The following KRABD2 variants were observed in gnomAD, a reference collection of about 807,000 sequenced individuals.
KRABD2 encodes KRAB domain-containing protein 2.
the KRABD2 span, chr17:8,371,411 C>T: frequency 4.3e-6 from 7 of 1,614,016 alleles, no homozygotes; most frequent in Middle Eastern, 1.6e-4. Flanking sequence ...TTTTCAAATG[C>T]TGTTGCTTCC....
the KRABD2 span, chr17:8,368,896 CAA>C: frequency 1.1e-5 from 6 of 571,410 alleles, no homozygotes; most frequent in Non-Finnish European, 1.4e-5. Context: ...CTTGGCCTAC[CAA>C]AGTGCTGGGA....
the KRABD2 span, chr17:8,371,728 C>G: frequency 7.6e-7 from 1 of 1,317,638 alleles, no homozygotes; most frequent in South Asian, 2.4e-5. Context: ...CAGAATAAAG[C>G]AGAGTCCAAG....
the KRABD2 span, among the ~76,000 whole-genome samples, chr17:8,366,680 C>T: frequency 1.3e-5 from 2 of 152,082 alleles, no homozygotes; most frequent in African/African-American, 4.8e-5. Flanking sequence ...GTCTCTAGGG[C>T]ATCTTAGATG....
chr17:8,372,239 C>T, the KRABD2 span, among the ~76,000 whole-genome samples: 2 of 152,184 alleles, frequency 1.3e-5, no homozygotes, highest in African/African-American at 2.4e-5. The surrounding 1 kb of genome is among the most constrained non-coding windows in gnomAD (Gnocchi z 4.1). Context: ...GATTCTAAGA[C>T]ATTACTGATT....
the KRABD2 span, among the ~76,000 whole-genome samples, chr17:8,359,319 A>G: frequency 5.9e-5 from 9 of 152,276 alleles, no homozygotes; most frequent in African/African-American, 2.2e-4. Flanking sequence ...CCTGCTGATT[A>G]TATTTCTCCC....
At chr17:8,367,674 A>C in the KRABD2 span, among the ~76,000 whole-genome samples, 1,644 of 151,888 alleles carry the variant, frequency 0.011, 26 homozygotes, top group African/African-American at 0.037. Flanking sequence ...AAAAAAAAAA[A>C]AAAAAACAAG....
the KRABD2 span, among the ~76,000 whole-genome samples, chr17:8,360,389 A>G: frequency 6.6e-6 from 1 of 152,190 alleles, no homozygotes. Flanking sequence ...CAATTTGCTC[A>G]GGAAGCTCAC....
At chr17:8,375,933 G>C in the KRABD2 span, 1 of 1,230,028 alleles carries the variant, frequency 8.1e-7, no homozygotes, top group Non-Finnish European at 1.0e-6. Context: ...TTCCGACTCG[G>C]AATGTCCTCG....
the KRABD2 span, chr17:8,369,676 A>G: frequency 6.2e-7 from 1 of 1,614,248 alleles, no homozygotes; most frequent in Non-Finnish European, 8.5e-7. Context: ...AGAATTGTGA[A>G]AATATCTAAC....
At chr17:8,374,611 G>C in the KRABD2 span, among the ~76,000 whole-genome samples, 3 of 74,512 alleles carry the variant, frequency 4.0e-5, no homozygotes, top group African/African-American at 1.6e-4. Flanking sequence ...AAACACCCAA[G>C]AATGATCAAT....
chr17:8,370,199 T>C, the KRABD2 span: 6 of 1,613,172 alleles, frequency 3.7e-6, no homozygotes, highest in East Asian at 1.3e-4. Flanking sequence ...CTTCCTTTAT[T>C]GTTTGAAAGT....
At chr17:8,360,342 AT>A in the KRABD2 span, among the ~76,000 whole-genome samples, 309 of 152,236 alleles carry the variant, frequency 2.0e-3, 2 homozygotes, top group South Asian at 4.4e-3. Flanking sequence ...GAAAAATATG[AT>A]TCTAAAAGGC....
the KRABD2 span, chr17:8,376,218 C>T: frequency 8.1e-7 from 1 of 1,231,096 alleles, no homozygotes; most frequent in African/African-American, 1.6e-5. Context: ...ATGTCGCTTA[C>T]AGGTAGGTCG....
the KRABD2 span, chr17:8,359,594 A>T: frequency 2.2e-6 from 1 of 456,082 alleles, no homozygotes; most frequent in Non-Finnish European, 4.4e-6. Flanking sequence ...AGAAGGGGGT[A>T]GGTAAGGAGA....
At chr17:8,369,608 A>C in the KRABD2 span, 3 of 1,614,212 alleles carry the variant, frequency 1.9e-6, no homozygotes, top group Non-Finnish European at 2.5e-6. Context: ...TGAGCTCATG[A>C]ACAACCTGGT....
At chr17:8,376,248 G>C in the KRABD2 span, 44 of 1,230,204 alleles carry the variant, frequency 3.6e-5, no homozygotes, top group African/African-American at 6.2e-4. Flanking sequence ...AGGTAGAGCA[G>C]CGGTACGGCC....
At chr17:8,362,117 C>A in the KRABD2 span, among the ~76,000 whole-genome samples, 4 of 152,068 alleles carry the variant, frequency 2.6e-5, no homozygotes, top group Non-Finnish European at 5.9e-5. This position sits in a 1 kb window ranked among gnomAD's most constrained non-coding sequence, Gnocchi z 4.2. Flanking sequence ...ATCACGAGGT[C>A]AGGAGATCAA....
At chr17:8,366,563 T>A in the KRABD2 span, among the ~76,000 whole-genome samples, 1 of 152,192 alleles carries the variant, frequency 6.6e-6, no homozygotes, top group Admixed American at 6.5e-5. Context: ...TTTTAATATA[T>A]GTTTCATGCA....
At chr17:8,376,118 A>G in the KRABD2 span, 1 of 1,231,656 alleles carries the variant, frequency 8.1e-7, no homozygotes, top group Non-Finnish European at 1.0e-6. Context: ...TAAGGTAGGG[A>G]CGGAGGCTTC....
Sources: allele counts gnomAD v4.1 joint callset (sites outside exome capture counted in the v4.1 genomes callset), GRCh38; gene constraint gnomAD v4.1.1; non-coding constraint Gnocchi (gnomAD v3.1); transcripts MANE v1.5; gene names NCBI Gene and HGNC (gene_info 2026-07-23, HGNC 2026-07-21).